COX14: variants seen among roughly 807,000 people sequenced by gnomAD.
The protein encoded by COX14 is cytochrome c oxidase assembly protein COX14.
COX14 carries 3 observed loss-of-function variants against 5.8 expected under a neutral mutation model. The observed-to-expected ratio is 0.51, with a 90% CI of 0.23 to 1.33. The LOEUF is 1.33. Ranked by LOEUF, COX14 falls within the 40% of genes most tolerant of loss-of-function variation. The pLI is 0.18. For missense variants in COX14, 72 were observed against 72.1 expected, an observed-to-expected ratio of 1.00 and a Z score of 0.01; for synonymous variants, 25 against 26.1, an observed-to-expected ratio of 0.96 and a Z score of 0.13.
chr12:50,115,069 T>C (rs1466662712), intron 1 of COX14, among the ~76,000 whole-genome samples: 3 of 134,814 alleles, frequency 2.2e-5, no homozygotes, highest in Non-Finnish European at 4.9e-5. Context: ...CCCGGCCGGT[T>C]TTTTTTTTTT....
Position 50,120,294 on chromosome 12 carries a change from G to T in COX14, c.*77G>T. ...AGACTTCACCTGCCACCATTTCCAG[G>T]TCAACAGGACTAGAGCGTTGATGGT... On this transcript the variant is annotated 3_prime_UTR_variant, in exon 2 of 2. Coordinates refer to ENST00000550487, the MANE Select transcript of COX14 (RefSeq NM_032901.4). The T allele has an allele frequency of 7.8e-7, 1 of 1,276,122 alleles. No individual in the cohort carries two copies. The highest frequency in any genetic ancestry group is 1.1e-6 in the Non-Finnish European group (1 of 907,242). 79.0% of individuals were successfully genotyped at this position (1,276,122 alleles called of 1,614,324 possible).
intron 1 of COX14, chr12:50,118,455 T>G: frequency 3.0e-6 from 3 of 984,664 alleles, no homozygotes; most frequent in South Asian, 9.4e-5. Context: ...ATGCTCTGGT[T>G]GTTGTTTCTT....
At chr12:50,114,195 C>T (rs924870574) in intron 1 of COX14, among the ~76,000 whole-genome samples, 1 of 144,844 alleles carries the variant, frequency 6.9e-6, no homozygotes, top group Non-Finnish European at 1.5e-5. Flanking sequence ...TGGTTTTCAA[C>T]CAGGAAGGGG....
chr12:50,120,299 C>A lies in COX14; in HGVS notation c.*82C>A. On this transcript the variant is annotated 3_prime_UTR_variant, in exon 2 of 2. Transcript: ENST00000550487. ...TCACCTGCCACCATTTCCAGGTCAA[C>A]AGGACTAGAGCGTTGATGGTTTTCA... is the stretch of plus-strand genomic sequence containing the variant. 8.2e-7 allele frequency: 1 copy of A among 1,221,548 alleles called. No homozygotes were observed. The highest frequency in any genetic ancestry group is 1.2e-6 in the Non-Finnish European group (1 of 860,728). The allele number at this position is 1,221,548 out of a possible 1,614,324, so 75.7% of individuals were successfully genotyped here.
intron 1 of COX14, among the ~76,000 whole-genome samples, chr12:50,116,410 T>C (rs1565752408): frequency 6.6e-6 from 1 of 152,160 alleles, no homozygotes; most frequent in Non-Finnish European, 1.5e-5. Flanking sequence ...TTTTTGCTAA[T>C]TGGATATTAG....
intron 1 of COX14, chr12:50,112,587 C>T (rs779489496): frequency 7.1e-6 from 4 of 560,284 alleles, no homozygotes; most frequent in Non-Finnish European, 9.1e-6. Flanking sequence ...CTGCCTCTTC[C>T]TTGCTCTATA....
intron 1 of COX14, among the ~76,000 whole-genome samples, chr12:50,117,172 G>C (rs1951087648): frequency 6.6e-6 from 1 of 151,986 alleles, no homozygotes; most frequent in Non-Finnish European, 1.5e-5. Context: ...ACCATGCGTG[G>C]CTAATTTAAA....
chr12:50,117,975 C>T (rs1297179209), intron 1 of COX14, among the ~76,000 whole-genome samples: 2 of 151,340 alleles, frequency 1.3e-5, no homozygotes, highest in African/African-American at 4.9e-5. Context: ...GATCTCTTGA[C>T]CTCGTGATCC....
In COX14 at chr12:50,120,250, C is replaced by A; in HGVS notation, c.*33C>A. The A allele has an allele frequency of 1.9e-6, 3 of 1,583,476 alleles. No homozygotes were observed. The highest frequency in any genetic ancestry group is 2.6e-6 in the Non-Finnish European group (3 of 1,157,850). On this transcript the variant is annotated 3_prime_UTR_variant, in exon 2 of 2. Transcript: ENST00000550487. The stretch of plus-strand genomic sequence containing the variant: ...GGGCTTTTTCTCCTGAGCAGAGAGG[C>A]CCAAGGCATGCTGTGGAGAGACTTC...
At chr12:50,114,823 G>A (rs11169274) in intron 1 of COX14, among the ~76,000 whole-genome samples, 3 of 108,086 alleles carry the variant, frequency 2.8e-5, no homozygotes, top group Non-Finnish European at 5.1e-5. Flanking sequence ...TCACTCTGTC[G>A]CCAGGCTGGA....
intron 1 of COX14, 189 bp downstream of exon 1, chr12:50,112,490 A>G (rs1009793334): frequency 2.0e-6 from 2 of 985,602 alleles, no homozygotes; most frequent in East Asian, 1.1e-4. Flanking sequence ...AGCTCCTCGC[A>G]GCAGTAGGTC....
At chr12:50,116,093 GTTT>G (rs35100135) in intron 1 of COX14, among the ~76,000 whole-genome samples, 95 of 125,530 alleles carry the variant, frequency 7.6e-4, no homozygotes, top group African/African-American at 1.3e-3. Context: ...AATCTGAAGA[GTTT>G]TTTTTTTTTT....
intron 1 of COX14, among the ~76,000 whole-genome samples, chr12:50,118,121 G>A (rs1245264172): frequency 6.9e-6 from 1 of 145,832 alleles, no homozygotes; most frequent in South Asian, 2.3e-4. Context: ...ATCTCACCTC[G>A]CTGCAACCTC....
intron 1 of COX14, among the ~76,000 whole-genome samples, chr12:50,113,788 A>G (rs1296508799): frequency 3.3e-5 from 5 of 151,608 alleles, no homozygotes; most frequent in Non-Finnish European, 7.4e-5. Context: ...ATGTGCCACC[A>G]TGCCTGGCTA....
At chr12:50,114,757 G>A (rs1396875563) in intron 1 of COX14, among the ~76,000 whole-genome samples, 1 of 131,372 alleles carries the variant, frequency 7.6e-6, no homozygotes, top group Admixed American at 7.9e-5. Flanking sequence ...TGAATGTTGT[G>A]TTGAGTATCT....
At chr12:50,112,816 C>T (rs74090056) in intron 1 of COX14, 1,501 of 148,296 alleles carry the variant, frequency 0.01, 21 homozygotes, top group African/African-American at 0.035. Context: ...GAGCTGTTGT[C>T]TCTGAACTCT....
At chr12:50,115,633 C>T (rs1592309385) in intron 1 of COX14, among the ~76,000 whole-genome samples, 1 of 150,510 alleles carries the variant, frequency 6.6e-6, no homozygotes, top group African/African-American at 2.4e-5. Flanking sequence ...GCCCACTGCA[C>T]CTCTACCTCC....
chr12:50,118,481 A>G, intron 1 of COX14: 1 of 977,140 alleles, frequency 1.0e-6, no homozygotes, highest in Non-Finnish European at 1.2e-6. Flanking sequence ...ATAAATATGT[A>G]TTTTTGGCCA....
At chr12:50,117,290 C>T (rs764193210) in intron 1 of COX14, among the ~76,000 whole-genome samples, 37 of 152,052 alleles carry the variant, frequency 2.4e-4, no homozygotes, top group Non-Finnish European at 5.4e-4. Context: ...CATGGGATTA[C>T]AAGTGTGAGC....
Sources: gnomAD v4.1 joint callset for allele counts (sites outside exome capture counted in the v4.1 genomes callset) on GRCh38, gnomAD v4.1.1 for gene constraint, MANE v1.5 for transcripts, NCBI Gene and HGNC (gene_info 2026-07-23, HGNC 2026-07-21) for gene names.